The following NEBL variants were observed in gnomAD, a reference collection of about 807,000 sequenced individuals.
NEBL encodes the protein nebulette.
Under a neutral mutation model 140.2 loss-of-function variants are expected in NEBL, and 122 were observed. That is an observed-to-expected ratio of 0.87 (90% CI 0.75 to 1.01). The LOEUF is 1.01. Among genes scored for constraint, NEBL ranks in the 50% least tolerant of loss-of-function variants. The pLI, the probability that NEBL is intolerant of heterozygous loss-of-function variation, is 0.00. For missense variants in NEBL, 1,365 were observed against 1,231.3 expected (o/e 1.11, Z -1.62); for synonymous variants, 436 against 398.9 (o/e 1.09, Z -1.11).
chr10:20,794,000 T>C (rs1836256292), intron 26 of NEBL, among the ~76,000 whole-genome samples: 1 of 152,230 alleles, frequency 6.6e-6, no homozygotes, highest in Non-Finnish European at 1.5e-5. Flanking sequence ...TTTCCCCCAG[T>C]GCTTTGTTTC....
rs572745025 is a variant in NEBL at position 21,042,871 on chromosome 10, C to T, written c.165-22670G>A. The stretch of plus-strand genomic sequence containing the variant: ...AAATGGCTTTCACAGAGAGCCTTTG[C>T]TTTCACTTAAAGAATTAAACCACAT... On this transcript the variant is annotated intron_variant, in intron 2 of 6. Transcript: ENST00000417816. 3.9e-5 allele frequency among the ~76,000 whole-genome samples: 6 copies of T among 152,324 alleles called. No homozygotes were observed. In the South Asian group the frequency reaches 1.2e-3, roughly 32 times the overall value.
intron 24 of NEBL, among the ~76,000 whole-genome samples, chr10:20,811,429 T>C (rs1273813033): frequency 6.6e-6 from 1 of 152,164 alleles, no homozygotes; most frequent in Non-Finnish European, 1.5e-5. Flanking sequence ...GATAGTTCCA[T>C]CCCTTTAGCA....
At chr10:21,158,059 G>C (rs1840402425) in intron 2 of NEBL, among the ~76,000 whole-genome samples, 1 of 152,174 alleles carries the variant, frequency 6.6e-6, no homozygotes, top group African/African-American at 2.4e-5. Context: ...AGAACTGTGA[G>C]ACAACAAATG....
intron 4 of NEBL, among the ~76,000 whole-genome samples, chr10:20,882,076 G>A (rs994552653): frequency 3.3e-5 from 5 of 152,154 alleles, no homozygotes; most frequent in African/African-American, 1.2e-4. Context: ...TACATGGGAG[G>A]CTGAGGCAGG....
chr10:20,832,179 G>A (rs775443435), intron 14 of NEBL, among the ~76,000 whole-genome samples: 5 of 152,128 alleles, frequency 3.3e-5, no homozygotes, highest in African/African-American at 7.2e-5. Flanking sequence ...TCCAGAAACT[G>A]GCCCAAGTCT....
chr10:21,039,418 G>T (rs1279367592), intron 2 of NEBL, among the ~76,000 whole-genome samples: 2 of 152,076 alleles, frequency 1.3e-5, no homozygotes, highest in African/African-American at 4.8e-5. Flanking sequence ...TGTAAGGACG[G>T]GTCCAGTTTC....
At chr10:20,975,591 C>T (rs1836759637) in intron 3 of NEBL, among the ~76,000 whole-genome samples, 1 of 152,082 alleles carries the variant, frequency 6.6e-6, no homozygotes, top group South Asian at 2.1e-4. Flanking sequence ...TTTGTTATTT[C>T]TTTGAATTGT....
intron 3 of NEBL, among the ~76,000 whole-genome samples, chr10:21,216,297 A>T (rs1427866710): frequency 6.6e-6 from 1 of 152,188 alleles, no homozygotes; most frequent in Non-Finnish European, 1.5e-5. Flanking sequence ...CAACTCAAGG[A>T]GAATTAAGAC....
intron 2 of NEBL, among the ~76,000 whole-genome samples, chr10:21,038,104 G>A (rs552193835): frequency 4.6e-5 from 7 of 152,240 alleles, no homozygotes; most frequent in South Asian, 2.1e-4. Context: ...TGCCTTTAAG[G>A]TTTTGAGGGC....
At chr10:21,150,034 T>C (rs1287478113) in intron 2 of NEBL, among the ~76,000 whole-genome samples, 1 of 152,238 alleles carries the variant, frequency 6.6e-6, no homozygotes, top group Non-Finnish European at 1.5e-5. Context: ...ACTTAAGTTA[T>C]GTTCCTTTTT....
At chr10:21,106,684 C>T (rs896743847) in intron 2 of NEBL, among the ~76,000 whole-genome samples, 25 of 152,074 alleles carry the variant, frequency 1.6e-4, no homozygotes, top group Admixed American at 1.6e-3. Flanking sequence ...TTTTTGGTTC[C>T]ATATGAACTT....
intron 4 of NEBL, among the ~76,000 whole-genome samples, chr10:20,951,868 G>T (rs1187897206): frequency 6.6e-6 from 1 of 152,176 alleles, no homozygotes; most frequent in Non-Finnish European, 1.5e-5. Flanking sequence ...TTCTAAATCT[G>T]CATCATGCAC....
At chr10:20,897,687 G>T, upstream of NEBL, 1 of 354,286 alleles carries the variant, frequency 2.8e-6, no homozygotes, top group Non-Finnish European at 4.0e-6. Context: ...ACTTCCTTCT[G>T]ACTTGGGGTA....
chr10:21,009,862 T>C (rs1007883815), intron 3 of NEBL, among the ~76,000 whole-genome samples: 1 of 152,204 alleles, frequency 6.6e-6, no homozygotes, highest in Admixed American at 6.5e-5. Context: ...TAATTTCTGC[T>C]TAAAATATAT....
rs955748172 is a variant in NEBL, at chr10:20,782,312, T to G, written c.*3435A>C. 5 of 152,652 alleles carry G rather than the reference T, an allele frequency of 3.3e-5. No individual in the cohort carries two copies. The highest frequency in any genetic ancestry group is 7.3e-5 in the Non-Finnish European group (5 of 68,052). The allele number at this position is 152,652 out of a possible 1,614,324, so 9.5% of individuals were successfully genotyped here. ...AAAAAGGCACCTATATTTGTATATA[T>G]CTGTATTACAGTTTTGGTATATCTT... On this transcript the variant is annotated 3_prime_UTR_variant, in exon 28 of 28. Coordinates refer to ENST00000377122, the MANE Select transcript of NEBL (RefSeq NM_006393.3).
intron 2 of NEBL, among the ~76,000 whole-genome samples, chr10:21,166,088 C>T (rs971190459): frequency 6.6e-6 from 1 of 151,524 alleles, no homozygotes; most frequent in South Asian, 2.1e-4. Flanking sequence ...GGCCTGGTGG[C>T]GGGCGCCTGA....
chr10:20,954,017 T>C (rs1835647030), intron 4 of NEBL, among the ~76,000 whole-genome samples: 2 of 121,688 alleles, frequency 1.6e-5, no homozygotes, highest in Admixed American at 2.0e-4. Flanking sequence ...TGGCAAACTC[T>C]TCTTAAGGAA....
rs543893398 is a variant in NEBL, at chr10:20,964,578, G to T, written c.250-2799C>A. Among the ~76,000 whole-genome samples the T allele has an allele frequency of 2.0e-4, 31 of 152,242 alleles. 1 individual carries two copies. In the South Asian group the frequency reaches 6.2e-3, roughly 31 times the overall value. On this transcript the variant is annotated intron_variant, in intron 3 of 6. Transcript: ENST00000417816. ...GTGGGGAGGGCAAAAAGCCATTCATGAGGGATCCGCCCCCATGATCCAAAC... is the reference window on the plus strand; with the variant it reads ...GTGGGGAGGGCAAAAAGCCATTCATTAGGGATCCGCCCCCATGATCCAAAC...
At chr10:21,281,653 T>A (rs1284790132) in intron 1 of NEBL, among the ~76,000 whole-genome samples, 1 of 152,102 alleles carries the variant, frequency 6.6e-6, no homozygotes, top group East Asian at 1.9e-4. Context: ...GTTACCTACA[T>A]AAACCTACGT....
Sources: gnomAD v4.1 joint callset for allele counts (sites outside exome capture counted in the v4.1 genomes callset) on GRCh38, gnomAD v4.1.1 for gene constraint, MANE v1.5 for transcripts, NCBI Gene and HGNC (gene_info 2026-07-23, HGNC 2026-07-21) for gene names.